Variants in PTPRT observed in about 807,000 individuals in gnomAD.
The protein encoded by PTPRT is protein tyrosine phosphatase receptor type T, also known as receptor-type tyrosine-protein phosphatase T.
A neutral mutation model predicts 176.8 loss-of-function variants in PTPRT; 56 were observed. The observed-to-expected ratio is 0.32, with a 90% confidence interval of 0.26 to 0.40. The LOEUF (loss-of-function observed/expected upper bound fraction) is 0.40. Among genes scored for constraint, PTPRT ranks in the 10% least tolerant of loss-of-function variants. PTPRT has a pLI of 1.00. For synonymous variants in PTPRT, 783 were observed against 739.0 expected, an observed-to-expected ratio of 1.06 and a Z score of -0.96; for missense variants, 1,540 against 1,908.2, an observed-to-expected ratio of 0.81 and a Z score of 3.60.
intron 7 of PTPRT, among the ~76,000 whole-genome samples, chr20:42,506,255 G>A (rs533173226): frequency 6.6e-6 from 1 of 152,106 alleles, no homozygotes; most frequent in Non-Finnish European, 1.5e-5. Context: ...GGGAATATGT[G>A]CTCAGAAATG....
chr20:43,052,354 G>A (rs1340476626), intron 1 of PTPRT, among the ~76,000 whole-genome samples: 1 of 152,184 alleles, frequency 6.6e-6, no homozygotes, highest in Non-Finnish European at 1.5e-5. Context: ...CCAGTTCTCT[G>A]GACTACAAAA....
chr20:42,852,455 A>T (rs1010259164), intron 2 of PTPRT, among the ~76,000 whole-genome samples: 1 of 151,460 alleles, frequency 6.6e-6, no homozygotes, highest in Non-Finnish European at 1.5e-5. Flanking sequence ...AAACCTGCTA[A>T]TTTTTTTTTA....
intron 3 of PTPRT, among the ~76,000 whole-genome samples, chr20:42,782,698 CACA>C (rs776848771): frequency 9.2e-5 from 14 of 152,038 alleles, no homozygotes; most frequent in Non-Finnish European, 1.8e-4. Context: ...AGAATGACTG[CACA>C]ACATTAAAAA....
chr20:42,456,683 A>C (rs925547240), intron 8 of PTPRT, among the ~76,000 whole-genome samples: 2 of 152,148 alleles, frequency 1.3e-5, no homozygotes, highest in Non-Finnish European at 2.9e-5. Flanking sequence ...TTAGACTAAC[A>C]CTAATTTTTT....
intron 9 of PTPRT, among the ~76,000 whole-genome samples, chr20:42,437,562 TGTATGTAC>T (rs2059273469): frequency 1.3e-5 from 2 of 152,312 alleles, no homozygotes; most frequent in African/African-American, 4.8e-5. Context: ...TATGTATGTA[TGTATGTAC>T]GTATGTATGT....
intron 7 of PTPRT, among the ~76,000 whole-genome samples, chr20:42,611,853 C>A (rs1326390754): frequency 6.6e-6 from 1 of 152,170 alleles, no homozygotes; most frequent in Non-Finnish European, 1.5e-5. Flanking sequence ...CTCCACCTGG[C>A]TCCATAGCTA....
At chr20:42,455,876 TC>T (rs1319012561) in intron 8 of PTPRT, among the ~76,000 whole-genome samples, 5 of 152,114 alleles carry the variant, frequency 3.3e-5, no homozygotes, top group African/African-American at 1.2e-4. Context: ...ACTTTGTACT[TC>T]ATGTTCATGA....
intron 24 of PTPRT, 35 bp from the exon 25 acceptor site, chr20:42,104,753 G>A: frequency 6.5e-7 from 1 of 1,528,484 alleles, no homozygotes; most frequent in Admixed American, 1.7e-5. Context: ...GGGGTGCCAG[G>A]TAAGAACAGT....
At chr20:42,487,047 A>G (rs141519935) in intron 7 of PTPRT, among the ~76,000 whole-genome samples, 1 of 152,334 alleles carries the variant, frequency 6.6e-6, no homozygotes, top group East Asian at 1.9e-4. Context: ...TGACCGGCCA[A>G]CACTCCTTCA....
intron 1 of PTPRT, among the ~76,000 whole-genome samples, chr20:42,955,480 T>C (rs1337364932): frequency 2.0e-5 from 3 of 152,184 alleles, no homozygotes; most frequent in Non-Finnish European, 1.5e-5. Context: ...CCCTACTAAG[T>C]GCATGCCTGA....
chr20:42,110,804 T>A (rs961802459), intron 22 of PTPRT, among the ~76,000 whole-genome samples: 42 of 152,124 alleles, frequency 2.8e-4, no homozygotes, highest in African/African-American at 8.9e-4. Context: ...GGGATCGTCT[T>A]TGACAAATGT....
At chr20:42,866,566 T>A (rs1225129240) in intron 2 of PTPRT, among the ~76,000 whole-genome samples, 1 of 152,190 alleles carries the variant, frequency 6.6e-6, no homozygotes, top group Non-Finnish European at 1.5e-5. Context: ...CCTTTCACAC[T>A]GGCCAACAAG....
intron 16 of PTPRT, among the ~76,000 whole-genome samples, chr20:42,166,236 A>G (rs1274236989): frequency 2.0e-5 from 3 of 152,146 alleles, no homozygotes; most frequent in Non-Finnish European, 1.5e-5. Flanking sequence ...ATAAAAAGAC[A>G]CTGATCCAGT....
chr20:42,188,931 C>T (rs1263546671), intron 16 of PTPRT, among the ~76,000 whole-genome samples: 1 of 152,210 alleles, frequency 6.6e-6, no homozygotes, highest in Non-Finnish European at 1.5e-5. Flanking sequence ...AAAATGCACT[C>T]TGCTTATCTA....
chr20:42,683,797 C>T (rs980077409), intron 6 of PTPRT, among the ~76,000 whole-genome samples: 1 of 152,158 alleles, frequency 6.6e-6, no homozygotes, highest in African/African-American at 2.4e-5. Flanking sequence ...CTTGGCTTAC[C>T]ACTAGCCAGA....
intron 1 of PTPRT, among the ~76,000 whole-genome samples, chr20:43,144,085 G>A (rs940793369): frequency 1.3e-5 from 2 of 152,094 alleles, no homozygotes; most frequent in South Asian, 2.1e-4. Flanking sequence ...GGCTGCCCTC[G>A]GCCCTTCTCA....
chr20:42,427,230 A>G (rs1020094139), intron 9 of PTPRT, among the ~76,000 whole-genome samples: 1 of 152,174 alleles, frequency 6.6e-6, no homozygotes, highest in Non-Finnish European at 1.5e-5. Context: ...CTGCATGGCA[A>G]TACTTTACTG....
At chr20:42,775,167 G>A (rs1349146000) in intron 4 of PTPRT, among the ~76,000 whole-genome samples, 1 of 152,208 alleles carries the variant, frequency 6.6e-6, no homozygotes, top group Non-Finnish European at 1.5e-5. Flanking sequence ...GGGCTTAACA[G>A]AAGACTGGCT....
In PTPRT at chr20:43,028,674, C is replaced by G. The variant is rs558831592; in HGVS notation, c.89-142742G>C. 1.4e-4 allele frequency among the ~76,000 whole-genome samples: 22 copies of G among 152,280 alleles called. No individual in the cohort carries two copies. The East Asian group carries it at 2.7e-3, about 19-fold the overall frequency. On this transcript the variant is annotated intron_variant, in intron 1 of 30. Coordinates refer to ENST00000373187, the MANE Select transcript of PTPRT (RefSeq NM_007050.6). ...CAACAGAGCTGCTAAGTGCTACTTC[C>G]TTTGTCCTGGGCATCCGATAGCCTA...
Sources: gnomAD v4.1 joint callset for allele counts (sites outside exome capture counted in the v4.1 genomes callset) on GRCh38, gnomAD v4.1.1 for gene constraint, MANE v1.5 for transcripts, NCBI Gene and HGNC (gene_info 2026-07-23, HGNC 2026-07-21) for gene names.